CDH26: variants seen among roughly 807,000 people sequenced by gnomAD.
CDH26 encodes cadherin 26.
In CDH26, 83 loss-of-function variants were observed where a neutral mutation model predicts 90.3. That is an observed-to-expected ratio of 0.92 (90% CI 0.77 to 1.10). The LOEUF (loss-of-function observed/expected upper bound fraction) is 1.10, where lower values mean the gene tolerates loss of function less well. Among genes scored for constraint, CDH26 ranks in the 50% least tolerant of loss-of-function variants. The pLI, the probability that CDH26 is intolerant of heterozygous loss-of-function variation, is 0.00. For synonymous variants in CDH26, 397 were observed against 396.3 expected (o/e 1.00, Z -0.02); for missense variants, 1,013 against 1,037.6 (o/e 0.98, Z 0.33).
At chr20:60,023,993 T>G (rs1440355533) in intron 7 of CDH26, among the ~76,000 whole-genome samples, 2 of 148,816 alleles carry the variant, frequency 1.3e-5, no homozygotes, top group Admixed American at 1.3e-4. Flanking sequence ...GAGAGAAATA[T>G]CAGCAGAGCA....
chr20:59,970,239 G>A (rs940343867), intron 3 of CDH26, 53 bp downstream of exon 3: 117 of 1,591,364 alleles, frequency 7.4e-5, no homozygotes, highest in Middle Eastern at 1.9e-4. Flanking sequence ...AAGTAAGCAC[G>A]CCCCTTTGGC....
At chr20:60,027,650 G>A (rs1160267622) in intron 7 of CDH26, among the ~76,000 whole-genome samples, 2 of 152,090 alleles carry the variant, frequency 1.3e-5, no homozygotes, top group East Asian at 3.9e-4. Flanking sequence ...GCACTCAACT[G>A]TGTAACCCAC....
At chr20:59,999,268 G>A (rs1401778397) in intron 13 of CDH26, among the ~76,000 whole-genome samples, 2 of 152,168 alleles carry the variant, frequency 1.3e-5, no homozygotes, top group South Asian at 2.1e-4. Flanking sequence ...CCATCACCAT[G>A]AGCCCTAGGA....
intron 7 of CDH26, among the ~76,000 whole-genome samples, chr20:59,985,850 C>T (rs182638513): frequency 1.2e-4 from 19 of 152,258 alleles, no homozygotes; most frequent in African/African-American, 3.9e-4. Flanking sequence ...ATTGAAACTA[C>T]AACACGATTT....
chr20:60,020,326 C>T (rs2061942385), intron 7 of CDH26, among the ~76,000 whole-genome samples: 1 of 152,158 alleles, frequency 6.6e-6, no homozygotes, highest in African/African-American at 2.4e-5. Context: ...GATGGGGGCA[C>T]ATGGTTTCTC....
intron 7 of CDH26, among the ~76,000 whole-genome samples, chr20:60,027,261 T>G (rs7267396): frequency 0.041 from 6,185 of 152,180 alleles, 308 homozygotes; most frequent in African/African-American, 0.12. Flanking sequence ...GGGAGGGTGA[T>G]GGTCATAGGG....
intron 8 of CDH26, 35 bp from the exon 9 acceptor site, chr20:59,988,869 C>G (rs1300023015): frequency 6.9e-6 from 11 of 1,605,240 alleles, no homozygotes. Flanking sequence ...AGAGGAGCAG[C>G]AGGTGCTAAT....
chr20:59,965,733 T>C (rs2061140302), intron 1 of CDH26, among the ~76,000 whole-genome samples: 1 of 152,210 alleles, frequency 6.6e-6, no homozygotes, highest in Admixed American at 6.5e-5. Flanking sequence ...TCTTTGATAT[T>C]ACACCAAAAC....
chr20:60,033,158 G>A (rs1482114539), intron 8 of CDH26, among the ~76,000 whole-genome samples: 1 of 152,196 alleles, frequency 6.6e-6, no homozygotes, highest in East Asian at 1.9e-4. Flanking sequence ...GTGTGAGCTT[G>A]ATTAAGTGTA....
At position 59,985,143 on chromosome 20, in the gene CDH26, G is replaced by A. The variant is rs369374394; in HGVS notation, c.837+14G>A. On this transcript the variant is annotated intron_variant, in intron 7 of 17. Transcript: ENST00000348616. ...ACCCAGGAGAACGTGAGGCTCCTGG[G>A]CCGCCCCAACGTCTAAGCCCCAAAA... 1.2e-6 allele frequency: 2 copies of A among 1,610,896 alleles called. No individual in the cohort carries two copies. The highest frequency in any genetic ancestry group is 8.5e-7 in the Non-Finnish European group (1 of 1,179,482).
chr20:59,976,077 A>G (rs2061325230), intron 4 of CDH26, among the ~76,000 whole-genome samples: 1 of 152,224 alleles, frequency 6.6e-6, no homozygotes. Flanking sequence ...ATTTCTCAAA[A>G]TAATTATTTG....
At chr20:60,017,690 A>C (rs1272450704), downstream of CDH26, among the ~76,000 whole-genome samples, 1 of 151,952 alleles carries the variant, frequency 6.6e-6, no homozygotes, top group Non-Finnish European at 1.5e-5. Flanking sequence ...CTTAAGATAC[A>C]TTATTAAATT....
downstream of CDH26, among the ~76,000 whole-genome samples, chr20:60,019,026 C>T (rs1461617528): frequency 3.9e-5 from 6 of 151,954 alleles, no homozygotes; most frequent in Admixed American, 6.6e-5. Context: ...TACAGTACTT[C>T]GAATATATCA....
In CDH26 at chr20:60,014,276, T is replaced by C. The variant is rs1361344416; in HGVS notation, c.*1546T>C. The C allele has an allele frequency of 3.3e-5, 5 of 152,200 alleles. No individual in the cohort carries two copies. The highest frequency in any genetic ancestry group is 5.9e-5 in the Non-Finnish European group (4 of 68,022). 9.4% of individuals were successfully genotyped at this position (152,200 alleles called of 1,614,324 possible). A position where few individuals can be genotyped will look rare whatever the true frequency, so the allele number is the denominator to read the frequency against. On this transcript the variant is annotated 3_prime_UTR_variant, in exon 18 of 18. Coordinates refer to ENST00000348616, the MANE Select transcript of CDH26 (RefSeq NM_177980.4). ...AACGTAATCATTGGCTCAAACATTT[T>C]TCATTTCTTTGTATTGGTACGGAGC...
At chr20:59,969,885 C>T (rs1358532674) in intron 2 of CDH26, among the ~76,000 whole-genome samples, 197 bp from the exon 3 acceptor site, 2 of 152,182 alleles carry the variant, frequency 1.3e-5, no homozygotes, top group Admixed American at 6.5e-5. Flanking sequence ...CAGCATCCAC[C>T]CCGTGGTTAG....
chr20:60,011,916 G>C (rs879778157), intron 17 of CDH26, among the ~76,000 whole-genome samples: 5 of 152,140 alleles, frequency 3.3e-5, no homozygotes, highest in Non-Finnish European at 7.4e-5. Flanking sequence ...AGATGGTGAC[G>C]GGGACATCAC....
Position 59,989,112 on chromosome 20 carries a change from C to T in CDH26, c.1232C>T (p.Pro411Leu). The change falls in exon 9 of 18, where the codon CCT (proline) becomes CTT (leucine). Residue 411 changes from proline (P) to leucine (L), a missense_variant. Coordinates refer to ENST00000348616, the MANE Select transcript of CDH26 (RefSeq NM_177980.4). ...FIVNKEEGAR[P>L]GTLLGTFNAM... is the part of the protein sequence containing the mutation. ...GTCAATAAAGAGGAGGGCGCCAGGC[C>T]TGGGACCCTGTTGGGAACTTTTAAT... 9 of 1,614,192 alleles carry T rather than the reference C, an allele frequency of 5.6e-6. No individual in the cohort carries two copies. Among genetic ancestry groups the T allele is most frequent in the Non-Finnish European group, 7.6e-6 (9 of 1,180,038 alleles).
At chr20:60,023,091 G>C (rs1601225007) in intron 7 of CDH26, among the ~76,000 whole-genome samples, 1 of 152,140 alleles carries the variant, frequency 6.6e-6, no homozygotes, top group South Asian at 2.1e-4. Flanking sequence ...TCTTCTACTG[G>C]CTGGAATTAG....
At chr20:60,027,511 T>C (rs1305069213) in intron 7 of CDH26, among the ~76,000 whole-genome samples, 1 of 152,202 alleles carries the variant, frequency 6.6e-6, no homozygotes, top group Non-Finnish European at 1.5e-5. Flanking sequence ...CAAAGTAAGT[T>C]GCAGACATCA....
Sources: gnomAD v4.1 joint callset for allele counts (sites outside exome capture counted in the v4.1 genomes callset) on GRCh38, gnomAD v4.1.1 for gene constraint, MANE v1.5 for transcripts, NCBI Gene and HGNC (gene_info 2026-07-23, HGNC 2026-07-21) for gene names.